Variants in BTD observed in about 807,000 individuals in gnomAD.
BTD encodes biocytinase.
Under a neutral mutation model 17.7 loss-of-function variants are expected in BTD, and 13 were observed. That is an observed-to-expected ratio of 0.74 (90% CI 0.48 to 1.17). The LOEUF (loss-of-function observed/expected upper bound fraction) is 1.17, where lower values mean the gene tolerates loss of function less well. Among genes scored for constraint, BTD ranks in the 50% most tolerant of loss-of-function variants. BTD has a pLI of 0.00. For synonymous variants in BTD, 240 were observed against 245.2 expected (o/e 0.98, Z 0.20); for missense variants, 674 against 650.4 (o/e 1.04, Z -0.39).
At chr3:15,628,515 T>C (rs947708998) in intron 1 of BTD, among the ~76,000 whole-genome samples, 2 of 152,180 alleles carry the variant, frequency 1.3e-5, no homozygotes, top group African/African-American at 2.4e-5. Context: ...TTTAAGGTAG[T>C]CCAAGAAGGA....
chr3:15,695,808 T>C (rs2125887608), intron 3 of BTD, among the ~76,000 whole-genome samples: 1 of 152,260 alleles, frequency 6.6e-6, no homozygotes, highest in South Asian at 2.1e-4. Context: ...TCACAGGGAC[T>C]TTTATTTCTC....
chr3:15,644,857 T>A lies in BTD; in HGVS notation c.941T>A (p.Ile314Asn), dbSNP rs397514433. The change falls in exon 4 of 4, where the codon ATT becomes AAT. Residue 314 changes from isoleucine (I) to asparagine (N), a missense_variant. Coordinates refer to ENST00000643237, the MANE Select transcript of BTD (RefSeq NM_001370658.1). ...GAAAATCCCAAAAGTCACCTTATAA[T>A]TGCCCAGGTGGCCAAAAATCCAGTG... Reference protein sequence around the residue: ...DMENPKSHLIIAQVAKNPVGL... With the variant: ...DMENPKSHLINAQVAKNPVGL... The A allele has an allele frequency of 1.2e-5, 19 of 1,614,172 alleles. No individual in the cohort carries two copies. Among genetic ancestry groups the A allele is most frequent in the Non-Finnish European group, 1.6e-5 (19 of 1,180,018 alleles).
intron 3 of BTD, among the ~76,000 whole-genome samples, chr3:15,671,579 T>C (rs952133411): frequency 6.8e-5 from 9 of 132,760 alleles, no homozygotes; most frequent in Non-Finnish European, 4.5e-5. Context: ...AACACTATAG[T>C]TTTTTTTTTG....
intron 3 of BTD, among the ~76,000 whole-genome samples, chr3:15,660,839 T>C (rs2065914479): frequency 6.6e-6 from 1 of 152,200 alleles, no homozygotes; most frequent in Admixed American, 6.5e-5. Flanking sequence ...TTTTGCCTTT[T>C]CCAGCATGCC....
rs368309162 is a variant in BTD, at chr3:15,636,550, C to T, written c.249+862C>T. On this transcript the variant is annotated intron_variant, in intron 2 of 3. Coordinates refer to ENST00000643237, the MANE Select transcript of BTD (RefSeq NM_001370658.1). ...TAACTCTGGTGGCAGGGTGACCAAG[C>T]GCAGCTGCTTGAGGAAGCCCTGCTG... Among the ~76,000 whole-genome samples the T allele has an allele frequency of 4.6e-5, 7 of 152,110 alleles. No homozygotes were observed. The East Asian group carries it at 5.8e-4, about 13-fold the overall frequency.
chr3:15,670,482 T>C, intron 3 of BTD: 1 of 1,613,984 alleles, frequency 6.2e-7, no homozygotes, highest in Non-Finnish European at 8.5e-7. Flanking sequence ...GAGACAGGCA[T>C]CATGGTGGCC....
In BTD at chr3:15,646,638, AC is replaced by A. The variant is rs2065701108; in HGVS notation, c.*1151del. ...CAAAGCCATTTAAAAAAGGATTTTG[AC>A]TGCATGCCTAGTAGCTGTTTCAGAT... On this transcript the variant is annotated 3_prime_UTR_variant, in exon 4 of 4. Transcript: ENST00000643237. 6.6e-6 allele frequency: 1 copy of A among 152,252 alleles called. No homozygotes were observed. The highest frequency in any genetic ancestry group is 1.5e-5 in the Non-Finnish European group (1 of 68,046). The allele number at this position is 152,252 out of a possible 1,614,324, so 9.4% of individuals were successfully genotyped here.
At chr3:15,717,524 A>AG (rs775407865), downstream of BTD, among the ~76,000 whole-genome samples, 8 of 151,898 alleles carry the variant, frequency 5.3e-5, no homozygotes, top group Admixed American at 2.0e-4. Flanking sequence ...AGGAGTATTA[A>AG]GAAAAAAAAA....
chr3:15,641,921 T>C lies in BTD; in HGVS notation c.263T>C (p.Ile88Thr), dbSNP rs1479374900. Residue 88 changes from isoleucine to threonine, a missense_variant, in exon 3 of 4, where the codon ATA becomes ACA. Physicochemically the swap from Ile to Thr is moderately conservative, Grantham distance 89. Coordinates refer to ENST00000643237, the MANE Select transcript of BTD (RefSeq NM_001370658.1). ...MTAAQKDVQI[I>T]VFPEDGIHGF... is the part of the protein sequence containing the mutation. ...TTTCATTTTCAGGATGTACAGATTA[T>C]AGTGTTTCCAGAAGATGGCATTCAT... 6.2e-7 allele frequency: 1 copy of C among 1,611,728 alleles called. No individual in the cohort carries two copies. The highest frequency in any genetic ancestry group is 8.5e-7 in the Non-Finnish European group (1 of 1,178,226).
chr3:15,674,891 A>C (rs1320954046), intron 3 of BTD, among the ~76,000 whole-genome samples: 1 of 152,160 alleles, frequency 6.6e-6, no homozygotes, highest in Non-Finnish European at 1.5e-5. Flanking sequence ...ACACAGTAGA[A>C]GTCATTGGTG....
At chr3:15,660,158 G>A (rs923235225) in intron 3 of BTD, among the ~76,000 whole-genome samples, 1 of 152,178 alleles carries the variant, frequency 6.6e-6, no homozygotes, top group Non-Finnish European at 1.5e-5. Flanking sequence ...AAACTGTGGT[G>A]GGGAGAAGTT....
intron 3 of BTD, among the ~76,000 whole-genome samples, chr3:15,679,755 A>T (rs1162795741): frequency 6.6e-6 from 1 of 152,178 alleles, no homozygotes; most frequent in Admixed American, 6.5e-5. Context: ...AGGCATATAC[A>T]ACTGCACGCA....
At chr3:15,640,483 C>G (rs947011924) in intron 2 of BTD, among the ~76,000 whole-genome samples, 5 of 151,926 alleles carry the variant, frequency 3.3e-5, no homozygotes, top group African/African-American at 4.8e-5. Context: ...CTCTGCCTCC[C>G]GGGTTCCAGT....
chr3:15,644,941 T>TA lies in BTD; in HGVS notation c.1030dup (p.Ile344AsnfsTer9). 2 of 1,614,128 alleles carry TA rather than the reference T, an allele frequency of 1.2e-6. No individual in the cohort carries two copies. The highest frequency in any genetic ancestry group is 1.7e-6 in the Non-Finnish European group (2 of 1,180,020). ...ACGGACCCATCCCATAGTAAGTTTT[T>TA]AAAAATTTTGTCAGGCGATCCGTAC... On this transcript the variant is annotated frameshift_variant, in exon 4 of 4. Transcript: ENST00000643237. LOFTEE classifies it low-confidence loss of function (END_TRUNC).
At chr3:15,626,399 G>A (rs1261787572) in intron 1 of BTD, among the ~76,000 whole-genome samples, 1 of 152,110 alleles carries the variant, frequency 6.6e-6, no homozygotes, top group African/African-American at 2.4e-5. Context: ...AACTATCATG[G>A]AAGACGCTGA....
rs59750718 is a variant in BTD, at chr3:15,693,327, C to CAGAGAGAGAG, written c.400-16719_400-16710dup. Among the ~76,000 whole-genome samples, 4 of 148,464 alleles carry CAGAGAGAGAG rather than the reference C, an allele frequency of 2.7e-5. No individual in the cohort carries two copies. In the East Asian group the frequency reaches 7.9e-4, roughly 29 times the overall value. On this transcript the variant is annotated intron_variant, in intron 3 of 3. Coordinates refer to the BTD transcript ENST00000672141. ...TGACAAAAAAATAGTAATGGGGGGG[C>CAGAGAGAGAG]AGAGAGAGAGAGAGAGAGAGAGACC...
intron 3 of BTD, among the ~76,000 whole-genome samples, chr3:15,691,568 T>C (rs2068808128): frequency 6.6e-6 from 1 of 152,220 alleles, no homozygotes; most frequent in Non-Finnish European, 1.5e-5. Context: ...CAAAGGACTA[T>C]AATGCCATTT....
At chr3:15,706,705 A>G (rs1301656179) in intron 3 of BTD, among the ~76,000 whole-genome samples, 2 of 152,186 alleles carry the variant, frequency 1.3e-5, no homozygotes, top group Admixed American at 1.3e-4. Flanking sequence ...TAGTCCCACC[A>G]ACAGTATAAA....
chr3:15,677,425 T>C lies in BTD; in HGVS notation c.400-32635T>C. The stretch of plus-strand genomic sequence containing the variant: ...TCATTTTAGTGAAGTCAAAAAACTT[T>C]TAAGGTCACTGTTAATATTAACAAT... On this transcript the variant is annotated intron_variant, in intron 3 of 3. Transcript: ENST00000672141. 2.9e-6 allele frequency: 4 copies of C among 1,377,320 alleles called. No individual in the cohort carries two copies. The South Asian group carries it at 3.6e-5, about 12-fold the overall frequency. 85.3% of individuals were successfully genotyped at this position (1,377,320 alleles called of 1,614,324 possible).
Sources: allele counts gnomAD v4.1 joint callset (sites outside exome capture counted in the v4.1 genomes callset), GRCh38; gene constraint gnomAD v4.1.1; transcripts MANE v1.5; gene names NCBI Gene and HGNC (gene_info 2026-07-23, HGNC 2026-07-21).